Variants in PPARD observed in about 807,000 individuals in gnomAD.
PPARD encodes peroxisome proliferator activated receptor delta, also known as peroxisome proliferator-activated receptor delta.
In PPARD, 6 loss-of-function variants were observed where a neutral mutation model predicts 39.5. That is an observed-to-expected ratio of 0.15 (90% confidence interval 0.08 to 0.30). The LOEUF (loss-of-function observed/expected upper bound fraction) is 0.30, where lower values mean the gene tolerates loss of function less well. Ranked by LOEUF, PPARD falls within the 10% of genes least tolerant of loss-of-function variation. The probability of loss-of-function intolerance (pLI) is 1.00; values close to 1 mark genes in which losing one functional copy is unlikely to be tolerated. For missense variants in PPARD, 397 were observed against 596.8 expected, an observed-to-expected ratio of 0.67 and a Z score of 3.49; for synonymous variants, 210 against 231.3, an observed-to-expected ratio of 0.91 and a Z score of 0.83.
At chr6:35,343,648 G>A (rs912900501) in intron 1 of PPARD, among the ~76,000 whole-genome samples, 1 of 152,236 alleles carries the variant, frequency 6.6e-6, no homozygotes, top group African/African-American at 2.4e-5. Context: ...TGTCCAATTT[G>A]TAGGCCATTC....
rs375114675 is a variant in PPARD, at chr6:35,366,555, C to CTTT, written c.-102+19417_-102+19419dup. Among the ~76,000 whole-genome samples, 15 of 143,902 alleles carry CTTT rather than the reference C, an allele frequency of 1.0e-4. No individual in the cohort carries two copies. The highest frequency in any genetic ancestry group is 2.3e-4 in the African/African-American group (9 of 38,452). 94.4% of individuals were successfully genotyped at this position (143,902 alleles called of 152,430 possible). ...AATTCCTGGCCTGTAGTACTAAATACTTTTTTTTTTTTTTAAGACAATCTC... is the reference window on the plus strand; with the variant it reads ...AATTCCTGGCCTGTAGTACTAAATACTTTTTTTTTTTTTTTTTAAGACAATCTC... On this transcript the variant is annotated intron_variant, in intron 2 of 7. Coordinates refer to ENST00000360694, the MANE Select transcript of PPARD (RefSeq NM_006238.5). This position sits in a 1 kb window ranked among gnomAD's most constrained non-coding sequence, Gnocchi z 4.6.
In PPARD at chr6:35,424,642, G is replaced by A. The variant is rs767428713; in HGVS notation, c.941G>A (p.Arg314His). The A allele has an allele frequency of 4.3e-6, 7 of 1,614,218 alleles. No individual in the cohort carries two copies. The highest frequency in any genetic ancestry group is 2.2e-5 in the East Asian group (1 of 44,892). ...LVANGSGFVT[R>H]EFLRSLRKPF... is the part of the protein sequence containing the mutation. ...GCCAACGGCAGTGGCTTTGTCACCC[G>A]TGAGTTCCTGCGCAGCCTCCGCAAA... Residue 314 changes from arginine (R) to histidine (H), a missense_variant, in exon 7 of 8, where the codon CGT becomes CAT. By Grantham distance (29) the Arg-to-His change is conservative (BLOSUM62 0). Coordinates refer to ENST00000360694, the MANE Select transcript of PPARD (RefSeq NM_006238.5). This position sits in a 1 kb window ranked among gnomAD's most constrained non-coding sequence, Gnocchi z 7.1.
chr6:35,357,629 C>T (rs1220905016), intron 2 of PPARD, among the ~76,000 whole-genome samples: 3 of 152,086 alleles, frequency 2.0e-5, no homozygotes, highest in East Asian at 3.9e-4. Flanking sequence ...CTCCGCCTCC[C>T]GGGTTCAAGC....
At chr6:35,396,697 G>A (rs1429150804) in intron 2 of PPARD, among the ~76,000 whole-genome samples, 1 of 151,894 alleles carries the variant, frequency 6.6e-6, no homozygotes, top group Non-Finnish European at 1.5e-5. Context: ...GGGCGTGGTA[G>A]CATGCGCCTG....
intron 2 of PPARD, among the ~76,000 whole-genome samples, chr6:35,352,756 G>A (rs1031271630): frequency 3.9e-5 from 6 of 152,200 alleles, no homozygotes; most frequent in Admixed American, 6.5e-5. Flanking sequence ...AATGGAGTGC[G>A]TATACATGAC....
chr6:35,417,822 A>C (rs1765877331), intron 3 of PPARD, among the ~76,000 whole-genome samples: 1 of 152,156 alleles, frequency 6.6e-6, no homozygotes, highest in African/African-American at 2.4e-5. Context: ...GAGCCACCAC[A>C]CCCAGCCCTG....
rs540076827 is a variant in PPARD at position 35,343,621 on chromosome 6, T to G, written c.-186+940T>G. Among the ~76,000 whole-genome samples, 6 of 152,328 alleles carry G rather than the reference T, an allele frequency of 3.9e-5. No individual in the cohort carries two copies. The South Asian group carries it at 1.2e-3, about 32-fold the overall frequency. ...GATTGTGTGGGAGAATGTACGTGGGTGTTGCATCAGAGATGATGTCCAATT... is the reference window on the plus strand; with the variant it reads ...GATTGTGTGGGAGAATGTACGTGGGGGTTGCATCAGAGATGATGTCCAATT... On this transcript the variant is annotated intron_variant, in intron 1 of 7. Transcript: ENST00000360694.
chr6:35,380,479 T>G (rs1562190367), intron 2 of PPARD, among the ~76,000 whole-genome samples: 1 of 94,426 alleles, frequency 1.1e-5, no homozygotes, highest in African/African-American at 8.0e-5. Context: ...TTTGTTTGTT[T>G]TTTTTTTTTT....
rs372583869 is a variant in PPARD at position 35,346,749 on chromosome 6, A to G, written c.-185-318A>G. On this transcript the variant is annotated intron_variant, in intron 1 of 7. Coordinates refer to ENST00000360694, the MANE Select transcript of PPARD (RefSeq NM_006238.5). ...AGGGGCTTTGGTGAAGGCATCAACT[A>G]TGACTCAGGACATCTTCATTTATGA... Among the ~76,000 whole-genome samples the G allele has an allele frequency of 4.6e-5, 7 of 152,306 alleles. No homozygotes were observed. The East Asian group carries it at 1.2e-3, about 25-fold the overall frequency.
intron 3 of PPARD, among the ~76,000 whole-genome samples, chr6:35,418,036 AT>A (rs1349280360): frequency 6.6e-6 from 1 of 152,106 alleles, no homozygotes; most frequent in Admixed American, 6.5e-5. Flanking sequence ...GGAGGTGTGA[AT>A]AATCTGAGGG....
Position 35,377,871 on chromosome 6 carries a change from C to CTTTTTTTTTTTTTTTTTTTTT in PPARD, c.-102+30732_-102+30733insTTTTTTTTTTTTTTTTTTTTT, listed in dbSNP as rs540687692. Among the ~76,000 whole-genome samples, 531 of 120,170 alleles carry CTTTTTTTTTTTTTTTTTTTTT rather than the reference C, an allele frequency of 4.4e-3. 19 individuals are homozygous for CTTTTTTTTTTTTTTTTTTTTT. Among genetic ancestry groups the CTTTTTTTTTTTTTTTTTTTTT allele is most frequent in the African/African-American group, 0.021 (486 of 22,680 alleles). 78.8% of individuals were successfully genotyped at this position (120,170 alleles called of 152,430 possible). A position where few individuals can be genotyped will look rare whatever the true frequency, so the allele number is the denominator to read the frequency against. On this transcript the variant is annotated intron_variant, in intron 2 of 7. Coordinates refer to ENST00000360694, the MANE Select transcript of PPARD (RefSeq NM_006238.5). ...TGTGGGTCGCTGCTTGTTTACGTAT[C>CTTTTTTTTTTTTTTTTTTTTT]TTTTTTTTTTTGAGACAGAGTGTTG...
chr6:35,353,793 C>CAA, intron 2 of PPARD, among the ~76,000 whole-genome samples: 1 of 152,150 alleles, frequency 6.6e-6, no homozygotes, highest in South Asian at 2.1e-4. Context: ...GAGAAGGCTC[C>CAA]GTATGGGGCT....
chr6:35,397,501 C>T (rs1388687196), intron 2 of PPARD: 1 of 982,678 alleles, frequency 1.0e-6, no homozygotes, highest in Non-Finnish European at 1.2e-6. Context: ...TTTGAAGGGT[C>T]TGGAATGGTC....
chr6:35,384,421 G>A lies in PPARD; in HGVS notation c.-101-26566G>A, dbSNP rs1474921162. On this transcript the variant is annotated intron_variant, in intron 2 of 7. Coordinates refer to ENST00000360694, the MANE Select transcript of PPARD (RefSeq NM_006238.5). The stretch of plus-strand genomic sequence containing the variant: ...GCCCCTCTGCCAGGCCAGCCGCCCC[G>A]TCCGGGAGGGAGGTGGCGGGGTCAG... 6.5e-3 allele frequency among the ~76,000 whole-genome samples: 637 copies of A among 98,718 alleles called. 1 individual carries two copies. The highest frequency in any genetic ancestry group is 0.019 in the African/African-American group (353 of 18,642). 64.8% of individuals were successfully genotyped at this position (98,718 alleles called of 152,430 possible). A position where few individuals can be genotyped will look rare whatever the true frequency, so the allele number is the denominator to read the frequency against.
intron 2 of PPARD, among the ~76,000 whole-genome samples, chr6:35,347,788 T>C (rs1311812921): frequency 2.6e-5 from 4 of 151,972 alleles, no homozygotes; most frequent in Non-Finnish European, 4.4e-5. Flanking sequence ...TTTGTATTTT[T>C]AGTAGAGATG....
chr6:35,425,879 A>G lies in PPARD; in HGVS notation c.1126A>G (p.Thr376Ala). The G allele has an allele frequency of 1.9e-6, 3 of 1,614,078 alleles. No individual in the cohort carries two copies. The highest frequency in any genetic ancestry group is 2.5e-6 in the Non-Finnish European group (3 of 1,180,022). The change falls in exon 8 of 8, where the codon ACC (threonine) becomes GCC (alanine). Residue 376 changes from threonine (T) to alanine (A), a missense_variant. Coordinates refer to ENST00000360694, the MANE Select transcript of PPARD (RefSeq NM_006238.5). The surrounding 1 kb of genome is among the most constrained non-coding windows in gnomAD (Gnocchi z 4.5). ...TCCACGGGTGGAGGCTATCCAGGAC[A>G]CCATCCTGCGTGCCCTCGAATTCCA... ...NVPRVEAIQD[T>A]ILRALEFHLQ...
intron 2 of PPARD, among the ~76,000 whole-genome samples, chr6:35,347,524 G>A (rs896455752): frequency 2.0e-5 from 3 of 151,940 alleles, no homozygotes; most frequent in African/African-American, 7.3e-5. Context: ...TTGCCTATAT[G>A]GGTACCTAGG....
intron 2 of PPARD, among the ~76,000 whole-genome samples, chr6:35,349,865 CCAA>C (rs1414837720): frequency 1.3e-5 from 2 of 152,168 alleles, no homozygotes; most frequent in Non-Finnish European, 2.9e-5. Flanking sequence ...CCTCAGCCTC[CCAA>C]GTAGCTCAGA....
intron 2 of PPARD, among the ~76,000 whole-genome samples, chr6:35,369,511 T>C (rs147231622): frequency 1.3e-5 from 2 of 152,342 alleles, no homozygotes; most frequent in African/African-American, 4.8e-5. Context: ...CTGCTTTCTC[T>C]ACGTACAGAT....
Sources: gnomAD v4.1 joint callset for allele counts (sites outside exome capture counted in the v4.1 genomes callset) on GRCh38, gnomAD v4.1.1 for gene constraint, Gnocchi (gnomAD v3.1) non-coding constraint, MANE v1.5 for transcripts, NCBI Gene and HGNC (gene_info 2026-07-23, HGNC 2026-07-21) for gene names.